Variants in ZMAT4 observed in about 807,000 individuals in gnomAD.
ZMAT4 encodes zinc finger matrin-type 4.
ZMAT4 carries 17 observed loss-of-function variants against 28.7 expected under a neutral mutation model. The observed-to-expected ratio is 0.59, with a 90% CI of 0.41 to 0.89. The LOEUF is 0.89. Among genes scored for constraint, ZMAT4 ranks in the 40% least tolerant of loss-of-function variants. The pLI is 0.00. For synonymous variants in ZMAT4, 117 were observed against 109.2 expected (o/e 1.07, Z -0.44); for missense variants, 240 against 283.8 (o/e 0.85, Z 1.11).
At chr8:40,681,863 C>T (rs1191950209) in intron 4 of ZMAT4, among the ~76,000 whole-genome samples, 2 of 151,788 alleles carry the variant, frequency 1.3e-5, no homozygotes, top group Admixed American at 1.3e-4. Flanking sequence ...CATCTATACT[C>T]TGAAAGACAT....
intron 6 of ZMAT4, among the ~76,000 whole-genome samples, chr8:40,545,548 C>A (rs1429067209): frequency 1.3e-5 from 2 of 152,102 alleles, no homozygotes; most frequent in Non-Finnish European, 2.9e-5. Context: ...TGACTCCTAA[C>A]CCAATATGAC....
intron 6 of ZMAT4, among the ~76,000 whole-genome samples, chr8:40,537,890 T>C (rs1044750565): frequency 6.6e-6 from 1 of 152,104 alleles, no homozygotes; most frequent in Non-Finnish European, 1.5e-5. Context: ...CCCTTCTACT[T>C]TGGGGGTTCT....
chr8:40,558,190 T>C (rs914671410), intron 6 of ZMAT4, among the ~76,000 whole-genome samples: 1 of 152,070 alleles, frequency 6.6e-6, no homozygotes, highest in African/African-American at 2.4e-5. Context: ...TAGGTTGATA[T>C]TGGATTACAC....
chr8:40,677,384 G>T (rs1391041142), intron 4 of ZMAT4, among the ~76,000 whole-genome samples: 1 of 151,758 alleles, frequency 6.6e-6, no homozygotes, highest in African/African-American at 2.4e-5. Context: ...AGCAGGCAAA[G>T]GCAGTAGCAT....
Position 40,532,153 on chromosome 8 carries a change from GGTTGATAA to G in ZMAT4, c.*62_*69del. 1 of 1,447,142 alleles carries G rather than the reference GGTTGATAA, an allele frequency of 6.9e-7. No individual in the cohort carries two copies. Among genetic ancestry groups the G allele is most frequent in the South Asian group, 1.5e-5 (1 of 68,782 alleles). 89.6% of individuals were successfully genotyped at this position (1,447,142 alleles called of 1,614,324 possible). On this transcript the variant is annotated 3_prime_UTR_variant, in exon 7 of 7. Coordinates refer to ENST00000297737, the MANE Select transcript of ZMAT4 (RefSeq NM_024645.3). ...GTTCAAGAAAGAAGCCTCCTCTGGT[GGTTGATAA>G]GCAATTCTCCACGGCAGAGAAATGC...
rs528659751 is a variant in ZMAT4 at position 40,786,266 on chromosome 8, T to C, written c.103-18536A>G. Among the ~76,000 whole-genome samples, 17 of 152,304 alleles carry C rather than the reference T, an allele frequency of 1.1e-4. 1 individual carries two copies. Among genetic ancestry groups the C allele is most frequent in the Admixed American group, 1.1e-3 (17 of 15,306 alleles). Reference sequence around the variant, plus strand: ...CTCTGCTGAGAGTGAATTTACAAAATTGGGCCAAAGTGAGAAAGGAAATTG... The same window carrying C: ...CTCTGCTGAGAGTGAATTTACAAAACTGGGCCAAAGTGAGAAAGGAAATTG... On this transcript the variant is annotated intron_variant, in intron 2 of 6. Transcript: ENST00000297737.
intron 2 of ZMAT4, among the ~76,000 whole-genome samples, chr8:40,821,407 C>A (rs1815823845): frequency 6.6e-6 from 1 of 150,770 alleles, no homozygotes; most frequent in Non-Finnish European, 1.5e-5. Flanking sequence ...ATTATATTTC[C>A]TACTGAAATG....
At chr8:40,562,004 AAGTC>A (rs1411560794) in intron 6 of ZMAT4, among the ~76,000 whole-genome samples, 1 of 152,140 alleles carries the variant, frequency 6.6e-6, no homozygotes, top group Non-Finnish European at 1.5e-5. Context: ...TCTCTGACTG[AAGTC>A]AGTCAGGTGC....
At chr8:40,846,597 C>G (rs968731267) in intron 1 of ZMAT4, among the ~76,000 whole-genome samples, 5 of 152,342 alleles carry the variant, frequency 3.3e-5, no homozygotes, top group African/African-American at 9.6e-5. Context: ...ACGGCAGCGT[C>G]GTTCCACCTC....
At chr8:40,881,587 AAAGAAAG>A (rs1388125246) in intron 1 of ZMAT4, among the ~76,000 whole-genome samples, 22 of 102,392 alleles carry the variant, frequency 2.1e-4, no homozygotes, top group Admixed American at 5.9e-4. Context: ...AGAAAGAAAG[AAAGAAAG>A]AAAGAAAAGA....
intron 3 of ZMAT4, among the ~76,000 whole-genome samples, chr8:40,757,172 G>A (rs1333997690): frequency 1.3e-5 from 2 of 152,212 alleles, no homozygotes; most frequent in African/African-American, 2.4e-5. Flanking sequence ...CAGGAAGGCA[G>A]AGTCTTACTT....
rs948300688 is a variant in ZMAT4 at position 40,890,766 on chromosome 8, G to T, written c.-5+6917C>A. ...TCCCCTTGCCCCCAAAACATGCCTC[G>T]TATGGGCAGATTCAGCAACATCCAC... On this transcript the variant is annotated intron_variant, in intron 1 of 6. Transcript: ENST00000297737. Among the ~76,000 whole-genome samples, 3 of 152,050 alleles carry T rather than the reference G, an allele frequency of 2.0e-5. No individual in the cohort carries two copies. In the East Asian group the frequency reaches 5.8e-4, roughly 29 times the overall value.
At chr8:40,754,108 G>T (rs1425484468) in intron 3 of ZMAT4, among the ~76,000 whole-genome samples, 1 of 151,750 alleles carries the variant, frequency 6.6e-6, no homozygotes, top group Non-Finnish European at 1.5e-5. Context: ...GGAGGCAGAG[G>T]CTGCAGTGCG....
chr8:40,638,596 C>G (rs1420536837), intron 5 of ZMAT4, among the ~76,000 whole-genome samples: 1 of 152,196 alleles, frequency 6.6e-6, no homozygotes, highest in African/African-American at 2.4e-5. Context: ...ACAAGTACCA[C>G]AAGAGTGACT....
chr8:40,557,301 G>T (rs1255692051), intron 6 of ZMAT4, among the ~76,000 whole-genome samples: 3 of 152,036 alleles, frequency 2.0e-5, no homozygotes, highest in Non-Finnish European at 4.4e-5. Flanking sequence ...GCCATAAAAA[G>T]AATATAATAG....
chr8:40,787,037 T>A (rs1264373653), intron 2 of ZMAT4, among the ~76,000 whole-genome samples: 1 of 152,200 alleles, frequency 6.6e-6, no homozygotes, highest in Admixed American at 6.5e-5. Flanking sequence ...CTGACTAATA[T>A]ATGTTTCCTT....
At chr8:40,555,510 T>C (rs1468615832) in intron 6 of ZMAT4, among the ~76,000 whole-genome samples, 2 of 152,218 alleles carry the variant, frequency 1.3e-5, no homozygotes, top group East Asian at 1.9e-4. Flanking sequence ...TTTGTGATAA[T>C]GATCTTCAAT....
intron 5 of ZMAT4, among the ~76,000 whole-genome samples, chr8:40,604,112 GC>G (rs2118630809): frequency 6.6e-6 from 1 of 152,220 alleles, no homozygotes; most frequent in South Asian, 2.1e-4. Context: ...AGATCTAGGA[GC>G]TTTTGGATGA....
intron 6 of ZMAT4, among the ~76,000 whole-genome samples, chr8:40,539,854 G>T (rs1200449661): frequency 2.0e-5 from 3 of 152,202 alleles, no homozygotes; most frequent in African/African-American, 7.2e-5. Flanking sequence ...GGTGGAACTT[G>T]ACAGCTTATG....
Sources: allele counts gnomAD v4.1 joint callset (sites outside exome capture counted in the v4.1 genomes callset), GRCh38; gene constraint gnomAD v4.1.1; transcripts MANE v1.5; gene names NCBI Gene and HGNC (gene_info 2026-07-23, HGNC 2026-07-21).